Variants in PCGF3 observed in about 807,000 individuals in gnomAD.
PCGF3 encodes polycomb group RING finger protein 3.
Under a neutral mutation model 33.1 loss-of-function variants are expected in PCGF3, and 7 were observed. The ratio of observed to expected loss-of-function variants is 0.21; its 90% confidence interval spans 0.12 to 0.40. The LOEUF (loss-of-function observed/expected upper bound fraction) is 0.40. Among genes scored for constraint, PCGF3 ranks in the 10% least tolerant of loss-of-function variants. The pLI, the probability that PCGF3 is intolerant of heterozygous loss-of-function variation, is 1.00. For missense variants in PCGF3, 211 were observed against 313.3 expected (o/e 0.67, Z 2.46); for synonymous variants, 153 against 121.3 (o/e 1.26, Z -1.72).
At chr4:738,086 G>A (rs1390953723) in intron 6 of PCGF3, among the ~76,000 whole-genome samples, 3 of 152,250 alleles carry the variant, frequency 2.0e-5, no homozygotes, top group Admixed American at 6.5e-5. Flanking sequence ...GCTGGCGACC[G>A]GCAAGGAGGC....
intron 6 of PCGF3, among the ~76,000 whole-genome samples, chr4:737,838 T>C (rs1397444694): frequency 1.3e-5 from 2 of 152,350 alleles, no homozygotes; most frequent in Admixed American, 1.3e-4. Flanking sequence ...CCCCACCTCC[T>C]GTCCCAGGCC....
Position 720,100 on chromosome 4 carries a change from C to T in PCGF3, c.-189-10530C>T, listed in dbSNP as rs1473288572. 6.6e-6 allele frequency among the ~76,000 whole-genome samples: 1 copy of T among 152,140 alleles called. No individual in the cohort carries two copies. The highest frequency in any genetic ancestry group is 2.4e-5 in the African/African-American group (1 of 41,420). ...GTGAAGGCAGGGGTGCCTCTGGCATCGACTGGATGGCCTTTCCCTCCTGAG... is the reference window on the plus strand; with the variant it reads ...GTGAAGGCAGGGGTGCCTCTGGCATTGACTGGATGGCCTTTCCCTCCTGAG... On this transcript the variant is annotated intron_variant, in intron 1 of 10. Coordinates refer to ENST00000362003, the Ensembl canonical transcript of PCGF3. This position sits in a 1 kb window ranked among gnomAD's most constrained non-coding sequence, Gnocchi z 5.6.
intron 8 of PCGF3, among the ~76,000 whole-genome samples, chr4:747,806 C>A (rs892040368): frequency 6.6e-6 from 1 of 152,166 alleles, no homozygotes; most frequent in South Asian, 2.1e-4. Context: ...AGAAACCTTC[C>A]CTGGGGATGA....
chr4:739,829 C>T (rs946505818), intron 6 of PCGF3, among the ~76,000 whole-genome samples: 3 of 152,240 alleles, frequency 2.0e-5, no homozygotes, highest in African/African-American at 7.2e-5. Context: ...CTCCACTCTA[C>T]GTTGAAGAAG....
intron 1 of PCGF3, among the ~76,000 whole-genome samples, chr4:717,835 G>C (rs1466117540): frequency 6.6e-6 from 1 of 152,246 alleles, no homozygotes; most frequent in Non-Finnish European, 1.5e-5. Flanking sequence ...CACGCGGCAG[G>C]GGCAGAGGGA....
intron 1 of PCGF3, among the ~76,000 whole-genome samples, chr4:706,989 C>G (rs558960607): frequency 2.7e-4 from 41 of 151,168 alleles, no homozygotes; most frequent in African/African-American, 1.0e-3. Flanking sequence ...CAGGCAGGAC[C>G]CTGGGAAGGT....
At chr4:724,495 G>A (rs1182210252) in intron 1 of PCGF3, among the ~76,000 whole-genome samples, 1 of 152,230 alleles carries the variant, frequency 6.6e-6, no homozygotes, top group Non-Finnish European at 1.5e-5. Context: ...TCTGTCTTTT[G>A]TTTATTTACT....
chr4:729,488 C>T (rs963423644), intron 1 of PCGF3, among the ~76,000 whole-genome samples: 5 of 152,146 alleles, frequency 3.3e-5, no homozygotes, highest in Admixed American at 6.5e-5. Flanking sequence ...AGGTGCTCCA[C>T]GCCATGTGTG....
chr4:719,806 C>T (rs1032497079), intron 1 of PCGF3, among the ~76,000 whole-genome samples: 3 of 152,078 alleles, frequency 2.0e-5, no homozygotes, highest in African/African-American at 4.8e-5. Flanking sequence ...GGGCCTCATC[C>T]GTGTCCTGCC....
chr4:751,235 C>T (rs1744498171), intron 8 of PCGF3, among the ~76,000 whole-genome samples: 1 of 152,148 alleles, frequency 6.6e-6, no homozygotes, highest in African/African-American at 2.4e-5. Flanking sequence ...TCTCCGTCTT[C>T]CAAAACTTGG....
chr4:705,946 C>G (rs1251200487), exon 1 of PCGF3: 1 of 152,194 alleles, frequency 6.6e-6, no homozygotes, highest in Non-Finnish European at 1.5e-5. Context: ...GTGCGCCTTG[C>G]TCGCCCGCAG....
chr4:733,966 G>T (rs1225384556), intron 4 of PCGF3, 177 bp downstream of exon 4: 1 of 1,551,394 alleles, frequency 6.4e-7, no homozygotes, highest in Non-Finnish European at 8.7e-7. Context: ...TCACGCTAAA[G>T]GTCCTGTGGG....
At chr4:741,231 A>G (rs1462193266) in intron 6 of PCGF3, among the ~76,000 whole-genome samples, 1 of 152,202 alleles carries the variant, frequency 6.6e-6, no homozygotes, top group African/African-American at 2.4e-5. Flanking sequence ...TTAAAATGGA[A>G]TGTCTCATCA....
intron 1 of PCGF3, among the ~76,000 whole-genome samples, chr4:713,928 A>C (rs1014495818): frequency 1.3e-5 from 2 of 152,134 alleles, no homozygotes; most frequent in African/African-American, 4.8e-5. Context: ...TTTTTTACCC[A>C]AGTTTTTGTT....
chr4:734,274 A>G, intron 4 of PCGF3: 1 of 1,468,864 alleles, frequency 6.8e-7, no homozygotes, highest in South Asian at 1.4e-5. Flanking sequence ...GGTGCCATCC[A>G]TCAGGCTGAG....
At chr4:752,437 G>A (rs1744560738) in intron 8 of PCGF3, among the ~76,000 whole-genome samples, 1 of 152,184 alleles carries the variant, frequency 6.6e-6, no homozygotes, top group Non-Finnish European at 1.5e-5. Context: ...GACTTCTTTG[G>A]GAGCAGCCGG....
At chr4:741,096 C>T (rs1445723044) in intron 6 of PCGF3, among the ~76,000 whole-genome samples, 2 of 152,240 alleles carry the variant, frequency 1.3e-5, no homozygotes, top group Non-Finnish European at 2.9e-5. Flanking sequence ...ATGCTGAGAG[C>T]AAACAGCCGA....
intron 1 of PCGF3, among the ~76,000 whole-genome samples, chr4:717,388 T>A (rs986134446): frequency 1.3e-5 from 2 of 152,084 alleles, no homozygotes; most frequent in Non-Finnish European, 2.9e-5. Flanking sequence ...TGTGAGTGTG[T>A]GCTTACTTTT....
At chr4:717,597 C>G (rs562491083) in intron 1 of PCGF3, among the ~76,000 whole-genome samples, 1 of 152,328 alleles carries the variant, frequency 6.6e-6, no homozygotes, top group African/African-American at 2.4e-5. Context: ...CCAAGCTGCT[C>G]TCAAGCCCCT....
Sources: allele counts gnomAD v4.1 joint callset (sites outside exome capture counted in the v4.1 genomes callset), GRCh38; gene constraint gnomAD v4.1.1; non-coding constraint Gnocchi (gnomAD v3.1); transcripts MANE v1.5; gene names NCBI Gene and HGNC (gene_info 2026-07-23, HGNC 2026-07-21).